The following SECISBP2L variants were observed in gnomAD, a reference collection of about 807,000 sequenced individuals.
SECISBP2L encodes the protein selenocysteine insertion sequence-binding protein 2-like.
In SECISBP2L, 43 loss-of-function variants were observed where a neutral mutation model predicts 114.7. That is an observed-to-expected ratio of 0.38 (90% confidence interval 0.29 to 0.48). The LOEUF is 0.48. SECISBP2L is among the 20% of genes least tolerant of loss of function. SECISBP2L has a pLI of 0.98. For synonymous variants in SECISBP2L, 451 were observed against 439.7 expected, an observed-to-expected ratio of 1.03 and a Z score of -0.32; for missense variants, 1,136 against 1,301.1, an observed-to-expected ratio of 0.87 and a Z score of 1.95.
At chr15:49,046,158 G>A (rs995581442) in intron 1 of SECISBP2L, 118 bp downstream of exon 1, 10 of 1,181,540 alleles carry the variant, frequency 8.5e-6, no homozygotes, top group Non-Finnish European at 1.2e-5. Flanking sequence ...TCCCAGGTGA[G>A]GGGGTCTGCG....
At chr15:48,997,798 G>A (rs1438773137) in intron 16 of SECISBP2L, among the ~76,000 whole-genome samples, 2 of 152,142 alleles carry the variant, frequency 1.3e-5, no homozygotes, top group Non-Finnish European at 2.9e-5. Flanking sequence ...GAAACCGGGA[G>A]GTGGAGGTTG....
At chr15:49,032,564 C>T (rs914500461) in intron 4 of SECISBP2L, among the ~76,000 whole-genome samples, 2 of 152,074 alleles carry the variant, frequency 1.3e-5, no homozygotes, top group Non-Finnish European at 2.9e-5. Flanking sequence ...AGAAAACTTC[C>T]TAAGTTCTTT....
At chr15:49,037,482 A>T in intron 2 of SECISBP2L, 109 bp downstream of exon 2, 1 of 926,074 alleles carries the variant, frequency 1.1e-6, no homozygotes, top group Non-Finnish European at 1.6e-6. Flanking sequence ...TACTCCTCTT[A>T]ATAGAGAAAT....
chr15:49,017,946 A>G (rs537213520), intron 8 of SECISBP2L, among the ~76,000 whole-genome samples: 7 of 152,342 alleles, frequency 4.6e-5, no homozygotes, highest in Admixed American at 2.6e-4. Flanking sequence ...ACATTCAGAT[A>G]ATTTGAGAAA....
In SECISBP2L at chr15:48,996,497, C is replaced by T; in HGVS notation, c.2493G>A (p.Glu831=). The T allele has an allele frequency of 6.2e-7, 1 of 1,614,108 alleles. No individual in the cohort carries two copies. Among genetic ancestry groups the T allele is most frequent in the Non-Finnish European group, 8.5e-7 (1 of 1,180,014 alleles). ...MVAAMEQEQA[E]EALKNVKKVP... ...CCTTCTTCACATTCTTTAAGGCTTC[C>T]TCAGCCTGCTCCTGTTCCATTGCTG... The change falls in exon 17 of 18, where the codon GAG becomes GAA. Residue 831 remains glutamate, a synonymous_variant. Coordinates refer to ENST00000559471, the MANE Select transcript of SECISBP2L (RefSeq NM_001193489.2).
At chr15:49,014,712 A>G (rs1331453155) in intron 11 of SECISBP2L, among the ~76,000 whole-genome samples, 1 of 149,474 alleles carries the variant, frequency 6.7e-6, no homozygotes, top group Non-Finnish European at 1.5e-5. Flanking sequence ...ATGGGTGTAT[A>G]TATATTAAAA....
At position 48,992,645 on chromosome 15, in the gene SECISBP2L, G is replaced by T. The variant is rs146594630; in HGVS notation, c.2905C>A (p.Arg969=). The T allele has an allele frequency of 6.0e-4, 966 of 1,614,128 alleles. 1 individual carries two copies. The Middle Eastern group carries it at 0.01, about 17-fold the overall frequency. The change falls in exon 18 of 18, where the codon CGA becomes AGA. Residue 969 remains arginine, a synonymous_variant. Coordinates refer to ENST00000559471, the MANE Select transcript of SECISBP2L (RefSeq NM_001193489.2). ...TETGSLDGSC[R]DLLNSSITST... is the part of the protein sequence containing the mutation. ...GTGATGGAGGAATTCAAAAGATCTC[G>T]GCAACTGCCATCCAAAGAGCCAGTC...
chr15:49,027,570 C>A, intron 6 of SECISBP2L, 90 bp from the exon 7 acceptor site: 1 of 670,384 alleles, frequency 1.5e-6, no homozygotes. Context: ...AATTCAGTCA[C>A]TAGAAATGTA....
At chr15:49,019,876 T>C (rs1902607423) in intron 7 of SECISBP2L, among the ~76,000 whole-genome samples, 3 of 152,174 alleles carry the variant, frequency 2.0e-5, no homozygotes, top group African/African-American at 7.2e-5. Context: ...CATATCCAGA[T>C]CATAGTATAG....
chr15:49,017,082 C>G, intron 9 of SECISBP2L, 67 bp from the exon 10 acceptor site: 2 of 1,513,910 alleles, frequency 1.3e-6, no homozygotes, highest in East Asian at 4.5e-5. Flanking sequence ...GAAAAAGGAT[C>G]CAGAATGTGG....
intron 11 of SECISBP2L, among the ~76,000 whole-genome samples, chr15:49,015,126 A>G (rs1376173445): frequency 6.6e-6 from 1 of 152,152 alleles, no homozygotes. Context: ...TAATGTGAGG[A>G]AACTGAAGCA....
At chr15:49,038,759 A>C (rs1017199205) in intron 1 of SECISBP2L, among the ~76,000 whole-genome samples, 2 of 152,158 alleles carry the variant, frequency 1.3e-5, no homozygotes, top group Non-Finnish European at 2.9e-5. Context: ...AATCATATAA[A>C]TATTATAATA....
intron 14 of SECISBP2L, among the ~76,000 whole-genome samples, chr15:49,002,637 TA>T (rs1368752628): frequency 6.6e-5 from 10 of 152,228 alleles, no homozygotes; most frequent in African/African-American, 2.4e-4. Flanking sequence ...GTATAAGGTG[TA>T]AGAAAGGGGC....
At chr15:49,016,434 A>G in intron 11 of SECISBP2L, 126 bp downstream of exon 11, 9 of 766,998 alleles carry the variant, frequency 1.2e-5, no homozygotes, top group East Asian at 5.9e-5. Context: ...ACACACATAC[A>G]TATATATACA....
At chr15:49,009,789 A>G (rs778511789) in intron 13 of SECISBP2L, among the ~76,000 whole-genome samples, 2 of 152,140 alleles carry the variant, frequency 1.3e-5, no homozygotes, top group Admixed American at 6.5e-5. Context: ...AAGAATACAC[A>G]TTACCTAAAA....
At chr15:49,043,605 C>T (rs1179521601) in intron 1 of SECISBP2L, among the ~76,000 whole-genome samples, 1 of 79,332 alleles carries the variant, frequency 1.3e-5, no homozygotes, top group African/African-American at 3.5e-5. Context: ...TCTCAAAATG[C>T]AAGTTTTTTT....
At position 49,033,091 on chromosome 15, in the gene SECISBP2L, A is replaced by G; in HGVS notation, c.538T>C (p.Leu180=). Residue 180 remains leucine (L), a synonymous_variant, in exon 4 of 18, where the codon TTA becomes CTA. Coordinates refer to ENST00000559471, the MANE Select transcript of SECISBP2L (RefSeq NM_001193489.2). ...CTTTTGCTTTTTATGTGCTGTTGTA[A>G]AAGCTGTTGCTGATTTAAAAAAAAA... ...RGSVVPKQQL[L]QQHIKSKRPL... 1.2e-6 allele frequency: 2 copies of G among 1,612,060 alleles called. No individual in the cohort carries two copies. The highest frequency in any genetic ancestry group is 1.7e-6 in the Non-Finnish European group (2 of 1,179,442).
At chr15:49,017,072 G>T in intron 9 of SECISBP2L, 57 bp from the exon 10 acceptor site, 1 of 1,552,898 alleles carries the variant, frequency 6.4e-7, no homozygotes. Context: ...CAATCATAAG[G>T]AAAAAGGATC....
intron 12 of SECISBP2L, among the ~76,000 whole-genome samples, chr15:49,012,215 T>A (rs1218305702): frequency 6.6e-6 from 1 of 152,186 alleles, no homozygotes; most frequent in Non-Finnish European, 1.5e-5. Flanking sequence ...TTTTCAATTA[T>A]TTGGACACGA....
Sources: allele counts gnomAD v4.1 joint callset (sites outside exome capture counted in the v4.1 genomes callset), GRCh38; gene constraint gnomAD v4.1.1; transcripts MANE v1.5; gene names NCBI Gene and HGNC (gene_info 2026-07-23, HGNC 2026-07-21).